Variants in MTMR3 observed in about 807,000 individuals in gnomAD.
The protein encoded by MTMR3 is myotubularin related protein 3.
A neutral mutation model predicts 132.4 loss-of-function variants in MTMR3; 32 were observed. The observed-to-expected ratio is 0.24, with a 90% CI of 0.18 to 0.32. MTMR3 has a LOEUF of 0.32. Ranked by LOEUF, MTMR3 falls within the 10% of genes least tolerant of loss-of-function variation. The pLI is 1.00. For synonymous variants in MTMR3, 556 were observed against 550.3 expected (o/e 1.01, Z -0.14); for missense variants, 1,216 against 1,489.6 (o/e 0.82, Z 3.02).
chr22:29,990,569 A>C (rs2066942191), intron 6 of MTMR3: 1 of 152,170 alleles, frequency 6.6e-6, no homozygotes, highest in South Asian at 2.1e-4. Flanking sequence ...ATATTTAAAC[A>C]AATCTTTATT....
chr22:29,950,020 G>T (rs562696192), intron 1 of MTMR3, among the ~76,000 whole-genome samples: 1 of 152,316 alleles, frequency 6.6e-6, no homozygotes, highest in African/African-American at 2.4e-5. Context: ...TTAACTGAGA[G>T]CAAGAAGCAG....
At chr22:30,016,244 G>A (rs1238465318) in intron 14 of MTMR3, 3 of 365,524 alleles carry the variant, frequency 8.2e-6, no homozygotes, top group Non-Finnish European at 1.5e-5. Flanking sequence ...CAGTTCATAT[G>A]CTGTGGCGCT....
intron 9 of MTMR3, chr22:30,004,678 A>G (rs1239448126): frequency 6.6e-6 from 1 of 152,240 alleles, no homozygotes; most frequent in Non-Finnish European, 1.5e-5. Context: ...GTTTCCTGGA[A>G]CTGGGCTCTG....
At chr22:29,991,734 T>G in intron 7 of MTMR3, 64 bp downstream of exon 7, 1 of 1,466,150 alleles carries the variant, frequency 6.8e-7, no homozygotes, top group Non-Finnish European at 9.1e-7. Context: ...GAGGTACTTT[T>G]AACATGAAAT....
At chr22:29,904,510 T>C (rs1398212086) in intron 1 of MTMR3, among the ~76,000 whole-genome samples, 2 of 152,258 alleles carry the variant, frequency 1.3e-5, no homozygotes, top group African/African-American at 2.4e-5. Flanking sequence ...CTTTAACTTC[T>C]CTGAGTCTCA....
rs764118263 is a variant in MTMR3 at position 30,026,148 on chromosome 22, G to A, written c.*347G>A. ...CACTGAGGGATGGCTTGTTTCTTCC[G>A]GGTGGGAGGATGGTGGTCAGAGCCA... On this transcript the variant is annotated 3_prime_UTR_variant, in exon 20 of 20. Transcript: ENST00000401950. 3.2e-5 allele frequency: 8 copies of A among 247,962 alleles called. No individual in the cohort carries two copies. Among genetic ancestry groups the A allele is most frequent in the East Asian group, 1.7e-4 (2 of 11,646 alleles). 15.4% of individuals were successfully genotyped at this position (247,962 alleles called of 1,614,324 possible). A position where few individuals can be genotyped will look rare whatever the true frequency, so the allele number is the denominator to read the frequency against.
chr22:29,946,021 T>TGTG (rs1602533546), intron 1 of MTMR3, among the ~76,000 whole-genome samples: 4 of 150,780 alleles, frequency 2.7e-5, no homozygotes, highest in African/African-American at 7.3e-5. Flanking sequence ...GTGTATATAT[T>TGTG]TGTGTGTGTG....
At chr22:30,019,251 G>A (rs569266686) in intron 16 of MTMR3, 2 of 496,184 alleles carry the variant, frequency 4.0e-6, no homozygotes, top group South Asian at 6.7e-5. Context: ...TCATTTGTAT[G>A]TATGGGGCAT....
At chr22:30,009,433 T>C (rs1024409677) in intron 12 of MTMR3, 1 of 267,332 alleles carries the variant, frequency 3.7e-6, no homozygotes, top group Admixed American at 5.0e-5. Context: ...TCCTGGGACC[T>C]TTCCCTTCCA....
At chr22:29,950,664 TG>T (rs910573414) in intron 1 of MTMR3, among the ~76,000 whole-genome samples, 6 of 152,020 alleles carry the variant, frequency 3.9e-5, no homozygotes, top group African/African-American at 1.2e-4. Flanking sequence ...CACGACTGGC[TG>T]GGAACATTTC....
At chr22:29,963,841 T>TG (rs920914806) in intron 2 of MTMR3, among the ~76,000 whole-genome samples, 8 of 124,468 alleles carry the variant, frequency 6.4e-5, no homozygotes, top group African/African-American at 1.6e-4. Flanking sequence ...GACCCTGTAG[T>TG]GGAAAAAAAA....
chr22:29,984,739 A>G (rs970562405), intron 5 of MTMR3: 5 of 152,152 alleles, frequency 3.3e-5, no homozygotes, highest in Non-Finnish European at 7.3e-5. Context: ...TTATCTTGCT[A>G]CTCTTTTACA....
At chr22:29,886,558 CT>C (rs1261874097) in intron 1 of MTMR3, among the ~76,000 whole-genome samples, 7 of 152,136 alleles carry the variant, frequency 4.6e-5, no homozygotes, top group African/African-American at 1.2e-4. Flanking sequence ...GGCCTATAGT[CT>C]TTGACCTCAA....
At chr22:29,907,227 C>T (rs560958062) in intron 1 of MTMR3, among the ~76,000 whole-genome samples, 5 of 151,888 alleles carry the variant, frequency 3.3e-5, no homozygotes, top group Non-Finnish European at 5.9e-5. Flanking sequence ...AATGAAACCC[C>T]GTCCCTACTA....
rs549866117 is a variant in MTMR3, at chr22:29,913,964, G to T, written c.-138+30605G>T. Among the ~76,000 whole-genome samples, 20 of 152,198 alleles carry T rather than the reference G, an allele frequency of 1.3e-4. No individual in the cohort carries two copies. The South Asian group carries it at 3.9e-3, about 30-fold the overall frequency. ...GACGGAGTTTCACCTTGTTAGCCGG[G>T]TTGGTCTGATCTCTTGAGCTCGTGA... On this transcript the variant is annotated intron_variant, in intron 1 of 19. Transcript: ENST00000401950.
chr22:29,991,319 C>A, intron 6 of MTMR3, 185 bp from the exon 7 acceptor site: 1 of 473,736 alleles, frequency 2.1e-6, no homozygotes, highest in South Asian at 4.5e-5. Context: ...ACATTTTGTT[C>A]CATTGGCTAA....
chr22:29,932,560 A>G (rs904597814), intron 1 of MTMR3, among the ~76,000 whole-genome samples: 5 of 152,186 alleles, frequency 3.3e-5, no homozygotes, highest in Non-Finnish European at 7.4e-5. Context: ...ATTCAGAGAT[A>G]GTCTTATGCA....
At chr22:29,957,119 C>G (rs567163226) in intron 2 of MTMR3, 31 bp downstream of exon 2, 2 of 152,068 alleles carry the variant, frequency 1.3e-5, no homozygotes, top group Non-Finnish European at 2.9e-5. Context: ...CTGCCACCCC[C>G]GCCCCCCTCC....
intron 3 of MTMR3, among the ~76,000 whole-genome samples, chr22:29,974,801 T>A (rs368112446): frequency 1.3e-5 from 2 of 152,236 alleles, no homozygotes; most frequent in Non-Finnish European, 2.9e-5. Flanking sequence ...CTAGGCCTTA[T>A]GAGTTTATGT....
Sources: allele counts gnomAD v4.1 joint callset (sites outside exome capture counted in the v4.1 genomes callset), GRCh38; gene constraint gnomAD v4.1.1; transcripts MANE v1.5; gene names NCBI Gene and HGNC (gene_info 2026-07-23, HGNC 2026-07-21).